The following ASIC2 variants were observed in gnomAD, a reference collection of about 807,000 sequenced individuals.
ASIC2 encodes acid-sensing ion channel 2.
Under a neutral mutation model 57.3 loss-of-function variants are expected in ASIC2, and 25 were observed. That is an observed-to-expected ratio of 0.44 (90% CI 0.32 to 0.61). The LOEUF is 0.61. Among genes scored for constraint, ASIC2 ranks in the 20% least tolerant of loss-of-function variants. ASIC2 has a pLI of 0.06. For missense variants in ASIC2, 641 were observed against 738.1 expected, an observed-to-expected ratio of 0.87 and a Z score of 1.52; for synonymous variants, 319 against 307.5, an observed-to-expected ratio of 1.04 and a Z score of -0.39.
chr17:33,865,759 T>TAAAAAAAAAAAAAAAAAAAAAAAAAAAA (rs61218521), intron 1 of ASIC2, among the ~76,000 whole-genome samples: 1 of 122,100 alleles, frequency 8.2e-6, no homozygotes, highest in Non-Finnish European at 1.7e-5. Flanking sequence ...AAAAAAAAAA[T>TAAAAAAAAAAAAAAAAAAAAAAAAAAAA]AAAAAAAAAA....
chr17:33,449,476 C>T lies in ASIC2; in HGVS notation c.556-337409G>A, dbSNP rs554983204. ...GTCCTCTGGGTAGCATACTTTTGGC[C>T]CAGGTGCCTCAAGGGACCTCATTCC... is the stretch of plus-strand genomic sequence containing the variant. On this transcript the variant is annotated intron_variant, in intron 1 of 9. Coordinates refer to the ASIC2 transcript ENST00000359872. 5.3e-5 allele frequency among the ~76,000 whole-genome samples: 8 copies of T among 152,218 alleles called. No individual in the cohort carries two copies. The South Asian group carries it at 1.4e-3, about 28-fold the overall frequency.
At chr17:33,620,913 G>T (rs549921750) in intron 1 of ASIC2, among the ~76,000 whole-genome samples, 1 of 150,168 alleles carries the variant, frequency 6.7e-6, no homozygotes, top group African/African-American at 2.5e-5. Context: ...CTCTGAGCCC[G>T]CCCCCTTCCA....
Position 33,016,024 on chromosome 17 carries a change from G to A in ASIC2, c.1537C>T (p.Leu513=). 6.2e-7 allele frequency: 1 copy of A among 1,613,950 alleles called. No homozygotes were observed. Among genetic ancestry groups the A allele is most frequent in the Admixed American group, 1.7e-5 (1 of 60,008 alleles). The part of the protein sequence containing the change: ...DYIYELIKEK[L]LDLLGKEEDE... Reference sequence around the variant, plus strand: ...TCCTCTTTGCCAAGCAGGTCTAATAGCTTCTCTTTGATCAGCTGCAAGAAA... The same window carrying A: ...TCCTCTTTGCCAAGCAGGTCTAATAACTTCTCTTTGATCAGCTGCAAGAAA... Residue 513 remains leucine (L), a synonymous_variant, in exon 9 of 10, where the codon CTA becomes TTA. Coordinates refer to ENST00000225823, the MANE Select transcript of ASIC2 (RefSeq NM_183377.2).
chr17:33,601,689 C>A (rs1905118325), intron 1 of ASIC2, among the ~76,000 whole-genome samples: 1 of 152,172 alleles, frequency 6.6e-6, no homozygotes. Context: ...GCATGGGGTA[C>A]CCAGCATGCA....
intron 2 of ASIC2, among the ~76,000 whole-genome samples, chr17:33,090,375 T>C (rs1485212088): frequency 6.6e-6 from 1 of 152,172 alleles, no homozygotes; most frequent in Non-Finnish European, 1.5e-5. Flanking sequence ...TTCTGGGCTG[T>C]CTCTCTGGAC....
chr17:33,805,850 C>T (rs1253920384), intron 1 of ASIC2, among the ~76,000 whole-genome samples: 1 of 152,144 alleles, frequency 6.6e-6, no homozygotes, highest in Non-Finnish European at 1.5e-5. Flanking sequence ...ACACAACATC[C>T]CTTGGAGCTA....
At chr17:33,202,013 G>A (rs1906884155) in intron 1 of ASIC2, among the ~76,000 whole-genome samples, 1 of 68,362 alleles carries the variant, frequency 1.5e-5, no homozygotes, top group African/African-American at 7.5e-5. Context: ...CGGTGAGACT[G>A]TCTCAAAAAA....
intron 1 of ASIC2, among the ~76,000 whole-genome samples, chr17:33,838,654 G>C (rs1405050886): frequency 6.6e-6 from 1 of 152,086 alleles, no homozygotes; most frequent in African/African-American, 2.4e-5. Flanking sequence ...GTGTGCCTCT[G>C]TACACAACAA....
chr17:33,625,666 A>G (rs1291820536), intron 1 of ASIC2, among the ~76,000 whole-genome samples: 1 of 152,262 alleles, frequency 6.6e-6, no homozygotes, highest in African/African-American at 2.4e-5. Flanking sequence ...CATCAAAGAC[A>G]TAAATAAAAG....
At chr17:33,283,467 C>T (rs1430950136) in intron 1 of ASIC2, among the ~76,000 whole-genome samples, 2 of 152,146 alleles carry the variant, frequency 1.3e-5, no homozygotes, top group Admixed American at 6.5e-5. Context: ...GAAGCGTAGC[C>T]CCCTTAAGGA....
At chr17:33,692,150 A>G (rs1455377635) in intron 1 of ASIC2, 3 of 152,168 alleles carry the variant, frequency 2.0e-5, no homozygotes, top group Non-Finnish European at 2.9e-5. Flanking sequence ...CATATTCTAT[A>G]GTTAGGTAAG....
intron 1 of ASIC2, among the ~76,000 whole-genome samples, chr17:33,582,078 T>G (rs1904462040): frequency 6.6e-6 from 1 of 152,208 alleles, no homozygotes; most frequent in African/African-American, 2.4e-5. Context: ...TGAAGACAGC[T>G]TGAACTTCTG....
At chr17:33,207,345 G>A (rs1239789583) in intron 1 of ASIC2, among the ~76,000 whole-genome samples, 1 of 152,230 alleles carries the variant, frequency 6.6e-6, no homozygotes, top group Non-Finnish European at 1.5e-5. Flanking sequence ...GCTGTGGCAA[G>A]TAAAGTCACT....
At chr17:33,500,865 G>T (rs1914080204) in intron 1 of ASIC2, among the ~76,000 whole-genome samples, 1 of 152,256 alleles carries the variant, frequency 6.6e-6, no homozygotes, top group Non-Finnish European at 1.5e-5. Context: ...GCTGGAAAGG[G>T]CCTCACCATT....
chr17:33,830,296 T>A (rs72483210), intron 1 of ASIC2, among the ~76,000 whole-genome samples: 3 of 152,210 alleles, frequency 2.0e-5, no homozygotes, highest in Admixed American at 6.5e-5. Context: ...GAAGAGAAGG[T>A]AGGGTGGTCC....
intron 1 of ASIC2, among the ~76,000 whole-genome samples, chr17:33,768,233 C>G (rs566462427): frequency 6.6e-6 from 1 of 152,016 alleles, no homozygotes; most frequent in African/African-American, 2.4e-5. Flanking sequence ...GTCTCGATCT[C>G]CTGACCTCGT....
chr17:34,016,263 A>G (rs1906950033), intron 1 of ASIC2, among the ~76,000 whole-genome samples: 1 of 152,022 alleles, frequency 6.6e-6, no homozygotes, highest in South Asian at 2.1e-4. Flanking sequence ...TCTTTACTAA[A>G]AACACAAAAA....
intron 1 of ASIC2, chr17:33,833,930 G>A (rs1913191885): frequency 1.3e-5 from 2 of 152,156 alleles, no homozygotes; most frequent in South Asian, 2.1e-4. Context: ...GGGCTTGGTG[G>A]CACACACCTG....
intron 1 of ASIC2, among the ~76,000 whole-genome samples, chr17:33,739,834 GAAAGAGAAAGAAA>G (rs986345947): frequency 1.0e-4 from 9 of 87,550 alleles, no homozygotes; most frequent in African/African-American, 1.8e-4. Flanking sequence ...GAAAGAAAAA[GAAAGAGAAAGAAA>G]AAAGAGAAAG....
Sources: gnomAD v4.1 joint callset for allele counts (sites outside exome capture counted in the v4.1 genomes callset) on GRCh38, gnomAD v4.1.1 for gene constraint, MANE v1.5 for transcripts, NCBI Gene and HGNC (gene_info 2026-07-23, HGNC 2026-07-21) for gene names.